SUPT3H: variants seen among roughly 807,000 people sequenced by gnomAD.
The protein encoded by SUPT3H is transcription initiation protein SPT3 homolog.
SUPT3H carries 44 observed loss-of-function variants against 44.3 expected under a neutral mutation model. The observed-to-expected ratio is 0.99, with a 90% confidence interval of 0.78 to 1.28. The LOEUF (loss-of-function observed/expected upper bound fraction) is 1.28, where lower values mean the gene tolerates loss of function less well. Ranked by LOEUF, SUPT3H falls within the 50% of genes most tolerant of loss-of-function variation. The pLI is 0.00. For missense variants in SUPT3H, 380 were observed against 387.1 expected (o/e 0.98, Z 0.15); for synonymous variants, 124 against 125.6 (o/e 0.99, Z 0.09).
rs1004109367 is a variant in SUPT3H at position 45,058,245 on chromosome 6, C to T, written c.187-37613G>A. Among the ~76,000 whole-genome samples, 9 of 152,040 alleles carry T rather than the reference C, an allele frequency of 5.9e-5. No individual in the cohort carries two copies. The South Asian group carries it at 1.2e-3, about 21-fold the overall frequency. On this transcript the variant is annotated intron_variant, in intron 3 of 10. Coordinates refer to ENST00000371459, the MANE Select transcript of SUPT3H (RefSeq NM_003599.4). ...TCCAAACCTAAAACAAACCCTCACA[C>T]CAGACTCTTAGTCCTAGAAATTATG... is the stretch of plus-strand genomic sequence containing the variant.
chr6:45,123,360 T>C (rs771500016), intron 2 of SUPT3H, among the ~76,000 whole-genome samples: 1 of 151,756 alleles, frequency 6.6e-6, no homozygotes. Context: ...AATTTTAAAT[T>C]GTATCATTTA....
At chr6:44,865,799 C>T (rs755076321) in intron 10 of SUPT3H, among the ~76,000 whole-genome samples, 2 of 152,132 alleles carry the variant, frequency 1.3e-5, no homozygotes, top group African/African-American at 2.4e-5. Flanking sequence ...TGAGGTACAT[C>T]ACATATATTA....
chr6:45,141,311 C>A (rs1447289596), intron 2 of SUPT3H, among the ~76,000 whole-genome samples: 7 of 121,492 alleles, frequency 5.8e-5, no homozygotes, highest in African/African-American at 6.8e-5. Flanking sequence ...TGCACTCCAG[C>A]CTGGGAGACA....
chr6:44,870,927 G>C (rs994920229), intron 10 of SUPT3H, among the ~76,000 whole-genome samples: 5 of 151,724 alleles, frequency 3.3e-5, no homozygotes, highest in African/African-American at 9.7e-5. Flanking sequence ...CCCGAATATT[G>C]CGCTTTTCAG....
At chr6:45,314,227 G>A (rs1420091597) in intron 2 of SUPT3H, among the ~76,000 whole-genome samples, 3 of 152,066 alleles carry the variant, frequency 2.0e-5, no homozygotes, top group Non-Finnish European at 4.4e-5. Context: ...CCCTGAGAAT[G>A]GGAACAAGAC....
chr6:44,866,527 TAA>T (rs60295667), intron 10 of SUPT3H, among the ~76,000 whole-genome samples: 11 of 149,830 alleles, frequency 7.3e-5, no homozygotes, highest in East Asian at 3.9e-4. Context: ...CTTAGGAAAA[TAA>T]AAAAAAAAAC....
intron 2 of SUPT3H, among the ~76,000 whole-genome samples, chr6:45,131,652 G>A (rs910338205): frequency 1.4e-4 from 21 of 152,032 alleles, no homozygotes; most frequent in African/African-American, 4.4e-4. Flanking sequence ...TCAGATTGAC[G>A]GAATATGTAT....
At chr6:44,932,613 T>C in intron 10 of SUPT3H, 40 bp downstream of exon 10, 1 of 1,398,102 alleles carries the variant, frequency 7.2e-7, no homozygotes, top group Non-Finnish European at 9.8e-7. Context: ...AATTCTTTCA[T>C]ATTATAAATA....
intron 1 of SUPT3H, among the ~76,000 whole-genome samples, chr6:45,373,103 G>A (rs1399979169): frequency 6.6e-6 from 1 of 151,972 alleles, no homozygotes; most frequent in Non-Finnish European, 1.5e-5. Context: ...CACCGCACCC[G>A]GCCCAGCTAA....
chr6:44,843,927 GCACACACACA>G (rs56329630), intron 10 of SUPT3H, among the ~76,000 whole-genome samples: 1,801 of 148,092 alleles, frequency 0.012, 43 homozygotes, highest in African/African-American at 0.04. Context: ...ACACACACAC[GCACACACACA>G]CACACACACA....
intron 2 of SUPT3H, among the ~76,000 whole-genome samples, chr6:45,325,643 CAAAAAT>C (rs79140654): frequency 0.13 from 19,579 of 151,350 alleles, 1,483 homozygotes; most frequent in East Asian, 0.26. Context: ...CTTTAAAAAG[CAAAAAT>C]AAAAATAAAA....
At chr6:45,361,108 A>G (rs1474393282) in intron 2 of SUPT3H, among the ~76,000 whole-genome samples, 1 of 152,214 alleles carries the variant, frequency 6.6e-6, no homozygotes, top group African/African-American at 2.4e-5. Context: ...CATCTCAAAA[A>G]TACAAAGGTA....
intron 2 of SUPT3H, among the ~76,000 whole-genome samples, chr6:45,256,465 C>G (rs531490321): frequency 6.6e-6 from 1 of 152,106 alleles, no homozygotes; most frequent in African/African-American, 2.4e-5. Flanking sequence ...AGGGCAGAGC[C>G]CTCATTACCT....
At chr6:44,898,327 A>C (rs1190674625) in intron 10 of SUPT3H, among the ~76,000 whole-genome samples, 5 of 152,204 alleles carry the variant, frequency 3.3e-5, no homozygotes, top group African/African-American at 1.2e-4. Flanking sequence ...CGCAGAAGGC[A>C]CTGTGGTTCA....
intron 2 of SUPT3H, among the ~76,000 whole-genome samples, chr6:45,109,109 A>G (rs1799694814): frequency 6.6e-6 from 1 of 152,198 alleles, no homozygotes; most frequent in African/African-American, 2.4e-5. Flanking sequence ...CTTTTGAAGT[A>G]TAAGATGGGA....
intron 3 of SUPT3H, among the ~76,000 whole-genome samples, chr6:45,084,199 G>A (rs1307254950): frequency 6.6e-6 from 1 of 152,046 alleles, no homozygotes; most frequent in Non-Finnish European, 1.5e-5. Flanking sequence ...GACAGAGTAC[G>A]TTAGAAAACT....
chr6:45,098,097 T>C (rs116122786), intron 3 of SUPT3H: 1 of 153,062 alleles, frequency 6.5e-6, no homozygotes, highest in East Asian at 1.9e-4. Flanking sequence ...GTGCCAGGAA[T>C]GTCTTGCAGA....
intron 5 of SUPT3H, among the ~76,000 whole-genome samples, chr6:45,014,575 A>C (rs1783963259): frequency 6.6e-6 from 1 of 152,080 alleles, no homozygotes; most frequent in Non-Finnish European, 1.5e-5. Context: ...CTGCAGAACT[A>C]TTTTTCAAGA....
chr6:45,046,610 C>T (rs528452705), intron 3 of SUPT3H, among the ~76,000 whole-genome samples: 4 of 152,292 alleles, frequency 2.6e-5, no homozygotes, highest in African/African-American at 4.8e-5. Context: ...GGATTACAGG[C>T]GTGAGCCACC....
Sources: gnomAD v4.1 joint callset for allele counts (sites outside exome capture counted in the v4.1 genomes callset) on GRCh38, gnomAD v4.1.1 for gene constraint, MANE v1.5 for transcripts, NCBI Gene and HGNC (gene_info 2026-07-23, HGNC 2026-07-21) for gene names.